Variants in FILIP1L observed in about 807,000 individuals in gnomAD.
The protein encoded by FILIP1L is filamin A-interacting protein 1-like.
In FILIP1L, 55 loss-of-function variants were observed where a neutral mutation model predicts 96.6. The observed-to-expected ratio is 0.57, with a 90% CI of 0.46 to 0.71. The LOEUF (loss-of-function observed/expected upper bound fraction) is 0.71. Among genes scored for constraint, FILIP1L ranks in the 30% least tolerant of loss-of-function variants. The pLI, the probability that FILIP1L is intolerant of heterozygous loss-of-function variation, is 0.00. For synonymous variants in FILIP1L, 467 were observed against 473.9 expected, an observed-to-expected ratio of 0.99 and a Z score of 0.19; for missense variants, 1,304 against 1,321.2, an observed-to-expected ratio of 0.99 and a Z score of 0.20.
chr3:99,844,526 A>T (rs1021806068), intron 5 of FILIP1L, among the ~76,000 whole-genome samples: 6 of 152,170 alleles, frequency 3.9e-5, no homozygotes, highest in African/African-American at 1.4e-4. Flanking sequence ...TTCAAAGGAG[A>T]CTCACTTTGT....
intron 1 of FILIP1L, among the ~76,000 whole-genome samples, chr3:100,015,610 C>T (rs1006631110): frequency 6.6e-6 from 1 of 152,182 alleles, no homozygotes; most frequent in East Asian, 1.9e-4. Context: ...TCCTTGAAAC[C>T]GAATGCTAAG....
intron 4 of FILIP1L, among the ~76,000 whole-genome samples, chr3:99,903,245 T>C (rs778641194): frequency 2.7e-5 from 4 of 150,090 alleles, no homozygotes; most frequent in South Asian, 2.1e-4. Flanking sequence ...TGTATATGTA[T>C]ACACATATGC....
At position 100,013,791 on chromosome 3, in the gene FILIP1L, A is replaced by T. The variant is rs139206552; in HGVS notation, c.-10-82761T>A. Among the ~76,000 whole-genome samples the T allele has an allele frequency of 7.3e-3, 1,105 of 152,322 alleles. 19 individuals carry two copies. Among genetic ancestry groups the T allele is most frequent in the African/African-American group, 0.024 (1,018 of 41,580 alleles). ...AAATGATTAAATCCAGCTAATCAAC[A>T]TATTCATCATCTCACATATTTTGTG... On this transcript the variant is annotated intron_variant, in intron 1 of 5. Transcript: ENST00000477258.
At chr3:99,940,925 T>C (rs1251718632) in intron 1 of FILIP1L, among the ~76,000 whole-genome samples, 1 of 152,216 alleles carries the variant, frequency 6.6e-6, no homozygotes, top group Non-Finnish European at 1.5e-5. Context: ...GATGGGTTGT[T>C]GTAGAGAAGA....
chr3:99,977,263 G>A (rs990990002), intron 1 of FILIP1L, among the ~76,000 whole-genome samples: 1 of 152,130 alleles, frequency 6.6e-6, no homozygotes, highest in Non-Finnish European at 1.5e-5. Context: ...CATCCCAGGA[G>A]CAGTGGGGAA....
chr3:99,907,005 T>C (rs1285001085), intron 4 of FILIP1L, among the ~76,000 whole-genome samples: 1 of 152,228 alleles, frequency 6.6e-6, no homozygotes, highest in Non-Finnish European at 1.5e-5. Context: ...ATTTAAATAA[T>C]GTTTAGATAA....
At chr3:99,976,516 G>T (rs1317403591) in intron 1 of FILIP1L, among the ~76,000 whole-genome samples, 2 of 152,104 alleles carry the variant, frequency 1.3e-5, no homozygotes, top group Non-Finnish European at 2.9e-5. Flanking sequence ...TCAGTAACTG[G>T]CAGTCTAGTC....
In FILIP1L at chr3:100,007,688, T is replaced by C. The variant is rs78942512; in HGVS notation, c.-10-76658A>G. On this transcript the variant is annotated intron_variant, in intron 1 of 5. Coordinates refer to ENST00000477258, the MANE Select transcript of FILIP1L (RefSeq NM_001387850.1). ...AATTGCCTTAAACCAAAAAAGTGTG[T>C]CACTGATGGAAGCTACAGTATCGTG... 4.5e-3 allele frequency among the ~76,000 whole-genome samples: 688 copies of C among 152,316 alleles called. 7 individuals are homozygous for C. Among genetic ancestry groups the C allele is most frequent in the African/African-American group, 0.016 (674 of 41,572 alleles).
intron 1 of FILIP1L, among the ~76,000 whole-genome samples, chr3:100,068,962 G>C (rs1365602764): frequency 1.3e-5 from 2 of 152,180 alleles, no homozygotes; most frequent in South Asian, 2.1e-4. Flanking sequence ...CTGTGAAATA[G>C]AGGGACATGA....
chr3:100,037,285 AAAAC>A (rs1301826118), intron 1 of FILIP1L, among the ~76,000 whole-genome samples: 1 of 152,228 alleles, frequency 6.6e-6, no homozygotes, highest in African/African-American at 2.4e-5. Context: ...ATGGTTTAGA[AAAAC>A]AAATGTGTGT....
At chr3:99,900,658 A>G (rs1381584666) in intron 4 of FILIP1L, among the ~76,000 whole-genome samples, 1 of 152,200 alleles carries the variant, frequency 6.6e-6, no homozygotes, top group Non-Finnish European at 1.5e-5. Context: ...TAAAGTACCA[A>G]ATGGGCTGAT....
chr3:99,927,800 T>G (rs1200355619), intron 3 of FILIP1L, among the ~76,000 whole-genome samples: 3 of 152,090 alleles, frequency 2.0e-5, no homozygotes, highest in Non-Finnish European at 4.4e-5. Context: ...GTGGACTGAG[T>G]CCTTGCCTCT....
intron 1 of FILIP1L, among the ~76,000 whole-genome samples, chr3:99,974,324 A>G (rs1435592656): frequency 1.3e-5 from 2 of 152,202 alleles, no homozygotes; most frequent in African/African-American, 2.4e-5. Context: ...AGGGATCACA[A>G]CAGGATTTTT....
intron 4 of FILIP1L, among the ~76,000 whole-genome samples, chr3:99,895,030 C>G (rs1292565148): frequency 6.6e-6 from 1 of 152,126 alleles, no homozygotes; most frequent in Non-Finnish European, 1.5e-5. Flanking sequence ...CAGCCTCAGG[C>G]CAACTAACCT....
chr3:99,981,055 G>T (rs1306305150), intron 1 of FILIP1L, among the ~76,000 whole-genome samples: 1 of 152,198 alleles, frequency 6.6e-6, no homozygotes, highest in African/African-American at 2.4e-5. Context: ...GGTGAGGGAA[G>T]AGGCAAAGGT....
chr3:99,870,725 A>G (rs1364500577), intron 4 of FILIP1L, among the ~76,000 whole-genome samples: 1 of 152,238 alleles, frequency 6.6e-6, no homozygotes, highest in Non-Finnish European at 1.5e-5. Flanking sequence ...CTTTGAAATT[A>G]AAGAAAAATC....
intron 5 of FILIP1L, among the ~76,000 whole-genome samples, chr3:99,838,145 T>C (rs1942974750): frequency 6.6e-6 from 1 of 152,234 alleles, no homozygotes; most frequent in Non-Finnish European, 1.5e-5. Flanking sequence ...TAGGATAAAG[T>C]GGACACTGAC....
intron 5 of FILIP1L, among the ~76,000 whole-genome samples, chr3:99,844,471 G>A (rs1010316597): frequency 2.6e-5 from 4 of 152,290 alleles, no homozygotes; most frequent in Middle Eastern, 3.4e-3. Context: ...AAAAGCTAGA[G>A]TGTTGGTTAA....
intron 1 of FILIP1L, among the ~76,000 whole-genome samples, chr3:99,943,195 A>T (rs1448311482): frequency 6.6e-6 from 1 of 152,178 alleles, no homozygotes; most frequent in Non-Finnish European, 1.5e-5. Flanking sequence ...TGGTCAGCTC[A>T]TGCCTATTTT....
Sources: allele counts gnomAD v4.1 joint callset (sites outside exome capture counted in the v4.1 genomes callset), GRCh38; gene constraint gnomAD v4.1.1; transcripts MANE v1.5; gene names NCBI Gene and HGNC (gene_info 2026-07-23, HGNC 2026-07-21).